The following MAN2A1 variants were observed in gnomAD, a reference collection of about 807,000 sequenced individuals.
The protein encoded by MAN2A1 is mannosidase alpha class 2A member 1, also known as alpha-mannosidase 2.
In MAN2A1, 76 loss-of-function variants were observed where a neutral mutation model predicts 142.6. The observed-to-expected ratio is 0.53, with a 90% confidence interval of 0.44 to 0.65. The LOEUF (loss-of-function observed/expected upper bound fraction) is 0.65, where lower values mean the gene tolerates loss of function less well. Among genes scored for constraint, MAN2A1 ranks in the 30% least tolerant of loss-of-function variants. The pLI is 0.00. For synonymous variants in MAN2A1, 559 were observed against 473.2 expected (o/e 1.18, Z -2.35); for missense variants, 1,311 against 1,365.1 (o/e 0.96, Z 0.62).
intron 16 of MAN2A1, among the ~76,000 whole-genome samples, chr5:109,835,118 T>G (rs933796913): frequency 2.0e-5 from 3 of 152,220 alleles, no homozygotes; most frequent in Admixed American, 2.0e-4. Context: ...ACCATAAGCT[T>G]GAGCTTTAAG....
At chr5:109,774,126 CTA>C (rs1351675742) in intron 7 of MAN2A1, among the ~76,000 whole-genome samples, 1 of 152,146 alleles carries the variant, frequency 6.6e-6, no homozygotes, top group African/African-American at 2.4e-5. Context: ...ACCAAAATAA[CTA>C]ATTCAACTCC....
intron 4 of MAN2A1, among the ~76,000 whole-genome samples, chr5:109,730,018 T>C (rs1751860057): frequency 1.3e-5 from 2 of 152,190 alleles, no homozygotes; most frequent in African/African-American, 4.8e-5. Flanking sequence ...ATGTTACAAC[T>C]TTGTCCCACA....
chr5:109,826,852 T>C (rs1431887318), intron 16 of MAN2A1, among the ~76,000 whole-genome samples: 2 of 152,256 alleles, frequency 1.3e-5, no homozygotes, highest in African/African-American at 2.4e-5. Flanking sequence ...TTCTAAACTT[T>C]GGCCTCCTGT....
intron 21 of MAN2A1, 87 bp from the exon 22 acceptor site, chr5:109,866,759 C>T: frequency 1.2e-6 from 1 of 827,336 alleles, no homozygotes; most frequent in South Asian, 1.9e-5. Flanking sequence ...TTTATTCCTT[C>T]TCATACTAAT....
intron 20 of MAN2A1, among the ~76,000 whole-genome samples, chr5:109,858,404 C>T (rs1043047475): frequency 2.6e-5 from 4 of 152,120 alleles, no homozygotes; most frequent in African/African-American, 9.7e-5. Context: ...GAAAGCTGTA[C>T]TTACAAAATG....
intron 3 of MAN2A1, 112 bp from the exon 4 acceptor site, chr5:109,729,230 A>C: frequency 1.7e-6 from 1 of 599,956 alleles, no homozygotes; most frequent in Non-Finnish European, 2.8e-6. Context: ...ATTTAAAAAT[A>C]TGTCTATGAA....
At chr5:109,708,791 A>G (rs1274871744) in intron 1 of MAN2A1, among the ~76,000 whole-genome samples, 4 of 152,170 alleles carry the variant, frequency 2.6e-5, no homozygotes, top group Admixed American at 2.6e-4. Flanking sequence ...GAGTTCTGAC[A>G]TCCAATGGCA....
chr5:109,845,034 G>A (rs994176443), intron 17 of MAN2A1, among the ~76,000 whole-genome samples: 3 of 152,124 alleles, frequency 2.0e-5, no homozygotes, highest in African/African-American at 4.8e-5. Flanking sequence ...GAAATACTCC[G>A]GACCATGCCT....
intron 12 of MAN2A1, among the ~76,000 whole-genome samples, chr5:109,798,877 A>G (rs1336481662): frequency 1.3e-5 from 2 of 152,054 alleles, no homozygotes; most frequent in Non-Finnish European, 2.9e-5. Flanking sequence ...TATTTTTAGT[A>G]GAGACTGGGT....
At chr5:109,710,863 T>C (rs1751281143) in intron 1 of MAN2A1, among the ~76,000 whole-genome samples, 1 of 152,198 alleles carries the variant, frequency 6.6e-6, no homozygotes, top group African/African-American at 2.4e-5. Flanking sequence ...GCTAATTTTG[T>C]ATTTTTAGTA....
chr5:109,707,990 A>G (rs1383833856), intron 1 of MAN2A1, among the ~76,000 whole-genome samples: 1 of 152,136 alleles, frequency 6.6e-6, no homozygotes, highest in Non-Finnish European at 1.5e-5. Context: ...AGCGGGAGAT[A>G]CAAATATGGG....
At chr5:109,829,240 C>G (rs1298747192) in intron 16 of MAN2A1, among the ~76,000 whole-genome samples, 1 of 151,986 alleles carries the variant, frequency 6.6e-6, no homozygotes, top group Non-Finnish European at 1.5e-5. Flanking sequence ...GATTAGGAAA[C>G]AAAAAGAAGT....
intron 3 of MAN2A1, among the ~76,000 whole-genome samples, 165 bp downstream of exon 3, chr5:109,716,429 CATTTT>C (rs1395772842): frequency 6.6e-6 from 1 of 152,102 alleles, no homozygotes; most frequent in African/African-American, 2.4e-5. Context: ...TTAGTGTTCT[CATTTT>C]ATCAGTTTAT....
chr5:109,808,413 T>A (rs1234794596), intron 12 of MAN2A1, among the ~76,000 whole-genome samples: 1 of 152,120 alleles, frequency 6.6e-6, no homozygotes, highest in Non-Finnish European at 1.5e-5. Context: ...TATATATTTT[T>A]ATATTTCACT....
chr5:109,760,647 C>T (rs1385486582), intron 5 of MAN2A1, among the ~76,000 whole-genome samples: 1 of 152,106 alleles, frequency 6.6e-6, no homozygotes, highest in African/African-American at 2.4e-5. Context: ...TCTGTTGTTT[C>T]CTCACTTTTT....
chr5:109,748,066 G>A (rs35068284), intron 4 of MAN2A1, among the ~76,000 whole-genome samples: 12,946 of 152,044 alleles, frequency 0.085, 649 homozygotes, highest in African/African-American at 0.15. Flanking sequence ...CGATTTTCTG[G>A]CCTCTTGGTA....
At chr5:109,830,848 G>A (rs1367668918) in intron 16 of MAN2A1, among the ~76,000 whole-genome samples, 3 of 152,196 alleles carry the variant, frequency 2.0e-5, no homozygotes, top group South Asian at 2.1e-4. Flanking sequence ...GAAAGAGAAG[G>A]TTATTTTAAG....
intron 1 of MAN2A1, among the ~76,000 whole-genome samples, chr5:109,702,360 T>G (rs932215226): frequency 1.3e-5 from 2 of 150,696 alleles, no homozygotes; most frequent in African/African-American, 4.9e-5. Flanking sequence ...TGTCTGTGTG[T>G]GTAGGGAGGA....
At chr5:109,733,867 C>G (rs1752001176) in intron 4 of MAN2A1, among the ~76,000 whole-genome samples, 1 of 152,146 alleles carries the variant, frequency 6.6e-6, no homozygotes, top group Non-Finnish European at 1.5e-5. Context: ...CAGGATGATG[C>G]TGGCCTCATA....
Sources: allele counts gnomAD v4.1 joint callset (sites outside exome capture counted in the v4.1 genomes callset), GRCh38; gene constraint gnomAD v4.1.1; transcripts MANE v1.5; gene names NCBI Gene and HGNC (gene_info 2026-07-23, HGNC 2026-07-21).